RAB19: variants seen among roughly 807,000 people sequenced by gnomAD.
The protein encoded by RAB19 is ras-related protein Rab-19.
Under a neutral mutation model 17.3 loss-of-function variants are expected in RAB19, and 21 were observed. The ratio of observed to expected loss-of-function variants is 1.21; its 90% CI spans 0.86 to 1.74. The LOEUF (loss-of-function observed/expected upper bound fraction) is 1.74. RAB19 is among the 40% of genes most tolerant of loss of function. RAB19 has a pLI of 0.00. For synonymous variants in RAB19, 126 were observed against 110.4 expected (o/e 1.14, Z -0.88); for missense variants, 277 against 286.8 (o/e 0.97, Z 0.25).
intron 3 of RAB19, among the ~76,000 whole-genome samples, chr7:140,424,698 T>TAC (rs1563075701): frequency 6.8e-6 from 1 of 147,864 alleles, no homozygotes; most frequent in Non-Finnish European, 1.5e-5. Flanking sequence ...TATCTATATA[T>TAC]ACATATATAA....
chr7:140,405,125 C>T (rs996268346), intron 1 of RAB19, among the ~76,000 whole-genome samples: 2 of 151,824 alleles, frequency 1.3e-5, no homozygotes, highest in Non-Finnish European at 2.9e-5. Flanking sequence ...CCAAACCTGG[C>T]TCATCATCAG....
At chr7:140,418,008 AT>A (rs1799490918) in intron 3 of RAB19, among the ~76,000 whole-genome samples, 1 of 152,154 alleles carries the variant, frequency 6.6e-6, no homozygotes, top group South Asian at 2.1e-4. Flanking sequence ...CCTGGTCTCC[AT>A]GGGCCCCCGT....
rs367590387 is a variant in RAB19, at chr7:140,414,261, C to T, written c.385+2204C>T. 3.5e-3 allele frequency among the ~76,000 whole-genome samples: 528 copies of T among 152,174 alleles called. 1 individual carries two copies. Among genetic ancestry groups the T allele is most frequent in the African/African-American group, 0.012 (497 of 41,528 alleles). On this transcript the variant is annotated intron_variant, in intron 3 of 3. Coordinates refer to ENST00000537763, the MANE Select transcript of RAB19 (RefSeq NM_001008749.3). ...TTCACCATGTTGGCCAGGCTGATCT[C>T]GAACTCCCGACCTCAGATGATCTGC...
intron 3 of RAB19, among the ~76,000 whole-genome samples, chr7:140,424,607 CTCTCTCTCTCTCTATATA>C (rs765010480): frequency 1.6e-4 from 15 of 95,324 alleles, no homozygotes; most frequent in African/African-American, 4.2e-4. Flanking sequence ...CTCTCTCTCT[CTCTCTCTCTCTCTATATA>C]TATATATATA....
In RAB19 at chr7:140,427,413, A is replaced by G. The variant is rs1799690198; in HGVS notation, c.*1263A>G. Among the ~76,000 whole-genome samples the G allele has an allele frequency of 7.0e-6, 1 of 143,026 alleles. No individual in the cohort carries two copies. Among genetic ancestry groups the G allele is most frequent in the Non-Finnish European group, 1.5e-5 (1 of 66,262 alleles). 93.8% of individuals were successfully genotyped at this position (143,026 alleles called of 152,430 possible). A position where few individuals can be genotyped will look rare whatever the true frequency, so the allele number is the denominator to read the frequency against. On this transcript the variant is annotated 3_prime_UTR_variant, in exon 4 of 4. Coordinates refer to ENST00000537763, the MANE Select transcript of RAB19 (RefSeq NM_001008749.3). ...ATGATCCACCCGTCTCGGCCTCCTAAAGTGCTGGGATTACAGGCATGAGCC... is the reference window on the plus strand; with the variant it reads ...ATGATCCACCCGTCTCGGCCTCCTAGAGTGCTGGGATTACAGGCATGAGCC...
intron 3 of RAB19, among the ~76,000 whole-genome samples, chr7:140,418,259 C>G (rs1315428301): frequency 6.6e-6 from 1 of 151,840 alleles, no homozygotes; most frequent in Non-Finnish European, 1.5e-5. Context: ...TGGGTCAAGA[C>G]AGAGAATATT....
At chr7:140,409,189 C>A (rs1799304441) in intron 2 of RAB19, among the ~76,000 whole-genome samples, 1 of 151,564 alleles carries the variant, frequency 6.6e-6, no homozygotes, top group Non-Finnish European at 1.5e-5. Context: ...CATGGTGAAA[C>A]CCTGTCTCTA....
At chr7:140,420,420 CAAAA>C (rs560889183) in intron 3 of RAB19, among the ~76,000 whole-genome samples, 2 of 87,312 alleles carry the variant, frequency 2.3e-5, no homozygotes, top group Non-Finnish European at 4.5e-5. Context: ...GACTCCATAT[CAAAA>C]AAAAAAAAAA....
Position 140,425,963 on chromosome 7 carries a change from C to A in RAB19, c.467C>A (p.Ala156Asp), listed in dbSNP as rs370140812. The stretch of plus-strand genomic sequence containing the variant: ...CTGGCTGAGAAGTACGGCCTCCTGG[C>A]CGTTTTGGAGACATCTGCCAAGGAG... ...CTLAEKYGLL[A>D]VLETSAKESK... The change falls in exon 4 of 4, where the codon GCC (alanine) becomes GAC (aspartate). Residue 156 changes from alanine to aspartate, a missense_variant. Transcript: ENST00000537763. 2 of 1,614,032 alleles carry A rather than the reference C, an allele frequency of 1.2e-6. No individual in the cohort carries two copies. The highest frequency in any genetic ancestry group is 2.7e-5 in the African/African-American group (2 of 74,922).
At chr7:140,416,953 C>T (rs1238621143) in intron 3 of RAB19, among the ~76,000 whole-genome samples, 6 of 151,690 alleles carry the variant, frequency 4.0e-5, no homozygotes, top group South Asian at 2.1e-4. Flanking sequence ...AAGCCGGGTG[C>T]GGTGACTCAC....
Position 140,411,860 on chromosome 7 carries a change from C to T in RAB19, c.202-14C>T, listed in dbSNP as rs540261466. On this transcript the variant is annotated splice_polypyrimidine_tract_variant and intron_variant, in intron 2 of 3. Transcript: ENST00000537763. ...GAACCCCTGATTTGGACTCTCCTTC[C>T]TGTCCTTCTCCAGATGCAGGTGTGG... The T allele has an allele frequency of 2.5e-6, 4 of 1,614,078 alleles. No homozygotes were observed. The South Asian group carries it at 4.4e-5, about 18-fold the overall frequency.
At chr7:140,424,720 A>G (rs1295429434) in intron 3 of RAB19, among the ~76,000 whole-genome samples, 1 of 149,796 alleles carries the variant, frequency 6.7e-6, no homozygotes, top group African/African-American at 2.5e-5. Flanking sequence ...GACTTCCCAT[A>G]TATCTATAAT....
At chr7:140,407,881 T>G (rs1013894147) in intron 2 of RAB19, 34 bp downstream of exon 2, 5 of 36,930 alleles carry the variant, frequency 1.4e-4, no homozygotes, top group Non-Finnish European at 1.8e-4. Flanking sequence ...TGGTTCCACC[T>G]TTTTTTTTTT....
intron 3 of RAB19, among the ~76,000 whole-genome samples, chr7:140,412,770 G>C (rs1024502029): frequency 6.6e-6 from 1 of 151,314 alleles, no homozygotes; most frequent in Non-Finnish European, 1.5e-5. Context: ...ATTGGGTACA[G>C]TGGGTTCTTA....
At chr7:140,410,836 G>A (rs1799346084) in intron 2 of RAB19, 1 of 840,780 alleles carries the variant, frequency 1.2e-6, no homozygotes, top group Middle Eastern at 3.0e-4. Context: ...AATAGTATGA[G>A]AATATGAAGA....
intron 2 of RAB19, among the ~76,000 whole-genome samples, chr7:140,410,313 C>CTTTTTTTTTTTTTTTTTTTTT (rs762151021): frequency 4.9e-5 from 4 of 81,038 alleles, no homozygotes; most frequent in Non-Finnish European, 6.4e-5. Flanking sequence ...TTGTATTTTT[C>CTTTTTTTTTTTTTTTTTTTTT]TTTTTTTTTT....
chr7:140,423,460 T>C (rs940919726), intron 3 of RAB19, among the ~76,000 whole-genome samples: 2 of 147,436 alleles, frequency 1.4e-5, no homozygotes, highest in South Asian at 4.2e-4. Flanking sequence ...AAAACACAAA[T>C]GTTGGTCCAT....
chr7:140,420,373 A>T (rs532335613), intron 3 of RAB19, among the ~76,000 whole-genome samples: 1 of 147,948 alleles, frequency 6.8e-6, no homozygotes, highest in Non-Finnish European at 1.5e-5. Context: ...GTGAGCTGAG[A>T]TCGCACCATT....
chr7:140,414,654 C>T (rs1225796714), intron 3 of RAB19, among the ~76,000 whole-genome samples: 1 of 152,190 alleles, frequency 6.6e-6, no homozygotes, highest in Non-Finnish European at 1.5e-5. Context: ...ACACAGCAGC[C>T]TTCCTGTTTT....
Sources: allele counts gnomAD v4.1 joint callset (sites outside exome capture counted in the v4.1 genomes callset), GRCh38; gene constraint gnomAD v4.1.1; transcripts MANE v1.5; gene names NCBI Gene and HGNC (gene_info 2026-07-23, HGNC 2026-07-21).